Variants in MILR1 observed in about 807,000 individuals in gnomAD.
MILR1 encodes mast cell immunoglobulin like receptor 1.
In MILR1, 31 loss-of-function variants were observed where a neutral mutation model predicts 18.5. The observed-to-expected ratio is 1.68, with a 90% CI of 1.26 to 2.26. The LOEUF is 2.26. MILR1 is among the 30% of genes most tolerant of loss of function. MILR1 has a pLI of 0.00. For missense variants in MILR1, 257 were observed against 157.4 expected (o/e 1.63, Z -3.38); for synonymous variants, 85 against 56.2 (o/e 1.51, Z -2.30).
chr17:64,473,061 G>C (rs568013313), downstream of MILR1, among the ~76,000 whole-genome samples: 2 of 152,174 alleles, frequency 1.3e-5, no homozygotes, highest in South Asian at 4.1e-4. Flanking sequence ...TAAAGAAGTT[G>C]TCTTTTGGCC....
chr17:64,485,476 T>C, the MILR1 span: 1 of 481,168 alleles, frequency 2.1e-6, no homozygotes, highest in Non-Finnish European at 3.8e-6. Context: ...CTAGGAGTCA[T>C]AGAGATAGCT....
intron 2 of MILR1, 145 bp downstream of exon 2, chr17:64,449,500 A>C (rs1276260274): frequency 4.9e-6 from 2 of 409,080 alleles, no homozygotes; most frequent in East Asian, 3.6e-5. Context: ...TCTATCATTT[A>C]AAATAAAATG....
chr17:64,470,669 C>A (rs1334116664), downstream of MILR1, among the ~76,000 whole-genome samples: 16 of 152,120 alleles, frequency 1.1e-4, no homozygotes, highest in Non-Finnish European at 2.9e-5. Context: ...GATGTGCTCA[C>A]TCCATCTCCT....
At chr17:64,473,207 C>T (rs575934825), downstream of MILR1, among the ~76,000 whole-genome samples, 30 of 152,052 alleles carry the variant, frequency 2.0e-4, no homozygotes, top group East Asian at 4.8e-3. Context: ...AAACATTGGC[C>T]GGGCGAGGTG....
downstream of MILR1, among the ~76,000 whole-genome samples, chr17:64,472,628 C>T (rs1200078351): frequency 1.3e-5 from 2 of 151,908 alleles, no homozygotes; most frequent in Non-Finnish European, 2.9e-5. Context: ...TGTTTAGACA[C>T]ATTTAGATAC....
At chr17:64,496,861 C>T in the MILR1 span, 1 of 1,613,872 alleles carries the variant, frequency 6.2e-7, no homozygotes, top group Non-Finnish European at 8.5e-7. Context: ...TGGGGCTACT[C>T]CTTTCCGTCA....
chr17:64,464,250 G>A (rs2037498001), intron 5 of MILR1, among the ~76,000 whole-genome samples: 1 of 149,700 alleles, frequency 6.7e-6, no homozygotes, highest in Admixed American at 6.7e-5. Flanking sequence ...CTGAGTAGTT[G>A]GGACCACAGG....
chr17:64,485,808 G>C, the MILR1 span: 1 of 1,612,060 alleles, frequency 6.2e-7, no homozygotes, highest in Non-Finnish European at 8.5e-7. Context: ...AGCATGCCTC[G>C]GTCTAGGTCC....
At position 64,466,475 on chromosome 17, in the gene MILR1, C is replaced by T. The variant is rs373678883; in HGVS notation, c.887C>T (p.Pro296Leu). Residue 296 changes from proline to leucine, a missense_variant, in exon 7 of 10, where the codon CCG becomes CTG. Pro to Leu is a moderately conservative substitution (Grantham distance 98, BLOSUM62 -3). Coordinates refer to ENST00000619286, the MANE Select transcript of MILR1 (RefSeq NM_001085423.2). ...EESVPEVGSR[P>L]CVSTAQDEAK... ...TCTGTGCCAGAAGTGGGATCCAGGC[C>T]GTGTGTTTCCACAGCCCAAGATGGT... The T allele has an allele frequency of 2.4e-5, 38 of 1,613,622 alleles. No homozygotes were observed. Among genetic ancestry groups the T allele is most frequent in the Middle Eastern group, 1.6e-4 (1 of 6,084 alleles).
At chr17:64,484,579 T>C in the MILR1 span, among the ~76,000 whole-genome samples, 3 of 152,104 alleles carry the variant, frequency 2.0e-5, no homozygotes, top group East Asian at 3.8e-4. Context: ...CGGTGGCTTA[T>C]AGCAGGGTGG....
the MILR1 span, among the ~76,000 whole-genome samples, chr17:64,483,468 C>T: frequency 4.0e-5 from 6 of 150,836 alleles, no homozygotes; most frequent in African/African-American, 1.2e-4. Context: ...GAGCCAAGAT[C>T]GTGCCACTGC....
At chr17:64,481,417 A>G in the MILR1 span, 3 of 985,296 alleles carry the variant, frequency 3.0e-6, no homozygotes, top group South Asian at 1.4e-4. Flanking sequence ...TCAATCACCC[A>G]GACAGAAATG....
the MILR1 span, chr17:64,485,341 A>C: frequency 4.8e-6 from 1 of 209,340 alleles, no homozygotes; most frequent in African/African-American, 2.4e-5. Flanking sequence ...CAAGACCAGA[A>C]GCCAGACACC....
the MILR1 span, among the ~76,000 whole-genome samples, chr17:64,488,405 A>G: frequency 6.6e-6 from 1 of 152,166 alleles, no homozygotes; most frequent in Non-Finnish European, 1.5e-5. Context: ...AATGATACCA[A>G]TAAAAGAACA....
downstream of MILR1, among the ~76,000 whole-genome samples, chr17:64,471,787 A>G (rs565614507): frequency 6.6e-6 from 1 of 152,368 alleles, no homozygotes; most frequent in Admixed American, 6.5e-5. Context: ...CCCTGTCTCT[A>G]CAAACATATT....
At chr17:64,485,698 C>T in the MILR1 span, 1 of 1,582,034 alleles carries the variant, frequency 6.3e-7, no homozygotes, top group Admixed American at 1.7e-5. Flanking sequence ...TTTTAGTTTC[C>T]CAAGTCTATC....
At chr17:64,453,136 A>G (rs2037211885) in intron 3 of MILR1, among the ~76,000 whole-genome samples, 1 of 150,548 alleles carries the variant, frequency 6.6e-6, no homozygotes, top group African/African-American at 2.5e-5. Flanking sequence ...TGGTGAAATC[A>G]TGGTCCACTG....
chr17:64,449,946 C>T (rs891501119), intron 2 of MILR1, among the ~76,000 whole-genome samples: 1 of 144,888 alleles, frequency 6.9e-6, no homozygotes, highest in Non-Finnish European at 1.5e-5. Flanking sequence ...TTCTTTCTTT[C>T]TTTTTTTTTT....
chr17:64,480,426 A>G, the MILR1 span: 1 of 992,810 alleles, frequency 1.0e-6, no homozygotes, highest in South Asian at 1.3e-5. Context: ...TATGAAAGAA[A>G]TAATGGTAGC....
Sources: allele counts gnomAD v4.1 joint callset (sites outside exome capture counted in the v4.1 genomes callset), GRCh38; gene constraint gnomAD v4.1.1; transcripts MANE v1.5; gene names NCBI Gene and HGNC (gene_info 2026-07-23, HGNC 2026-07-21).